The following ZFAND1 variants were observed in gnomAD, a reference collection of about 807,000 sequenced individuals.
ZFAND1 encodes the protein AN1-type zinc finger protein 1.
In ZFAND1, 40 loss-of-function variants were observed where a neutral mutation model predicts 38.5. That is an observed-to-expected ratio of 1.04 (90% CI 0.81 to 1.35). ZFAND1 has a LOEUF of 1.35. ZFAND1 is among the 40% of genes most tolerant of loss of function. ZFAND1 has a pLI of 0.00. For synonymous variants in ZFAND1, 117 were observed against 103.6 expected (o/e 1.13, Z -0.78); for missense variants, 346 against 316.3 (o/e 1.09, Z -0.71).
At chr8:81,719,963 G>C (rs1223421810) in intron 1 of ZFAND1, among the ~76,000 whole-genome samples, 2 of 151,682 alleles carry the variant, frequency 1.3e-5, no homozygotes. Context: ...AGTGGTGAAA[G>C]ATAGATAGAT....
At chr8:81,715,713 A>C (rs1808288418) in intron 3 of ZFAND1, among the ~76,000 whole-genome samples, 1 of 152,268 alleles carries the variant, frequency 6.6e-6, no homozygotes, top group East Asian at 1.9e-4. Flanking sequence ...CAGGTTTCTA[A>C]AGACGAGTAA....
Position 81,714,753 on chromosome 8 carries a change from C to G in ZFAND1, c.358+51G>C, listed in dbSNP as rs748555584. ...ATAATTGGAAAGTAGATATAAGAAG[C>G]AGGAGCTCTGGAACTAGGAAAGCAA... On this transcript the variant is annotated intron_variant, in intron 5 of 7. Transcript: ENST00000220669. 6 of 1,516,006 alleles carry G rather than the reference C, an allele frequency of 4.0e-6. No individual in the cohort carries two copies. The East Asian group carries it at 9.0e-5, about 23-fold the overall frequency. The allele number at this position is 1,516,006 out of a possible 1,614,324, so 93.9% of individuals were successfully genotyped here.
chr8:81,715,718 G>A (rs73694731), intron 3 of ZFAND1, among the ~76,000 whole-genome samples: 2,785 of 151,372 alleles, frequency 0.018, 79 homozygotes, highest in African/African-American at 0.062. Context: ...TTCTAAAGAC[G>A]AGTAAACGTA....
At chr8:81,711,006 G>T (rs1156722433) in intron 6 of ZFAND1, among the ~76,000 whole-genome samples, 1 of 152,170 alleles carries the variant, frequency 6.6e-6, no homozygotes, top group Admixed American at 6.5e-5. Context: ...GTACAATTGG[G>T]TAAAGAATAT....
intron 1 of ZFAND1, among the ~76,000 whole-genome samples, chr8:81,719,755 T>G (rs528293301): frequency 6.6e-6 from 1 of 152,120 alleles, no homozygotes; most frequent in Non-Finnish European, 1.5e-5. Flanking sequence ...CCCAAACAGA[T>G]AGGCCTGGCC....
intron 7 of ZFAND1, 46 bp from the exon 8 acceptor site, chr8:81,702,911 G>T: frequency 6.5e-7 from 1 of 1,536,068 alleles, no homozygotes; most frequent in Non-Finnish European, 8.7e-7. Flanking sequence ...AAACATGCTT[G>T]AATGGAGCAT....
chr8:81,721,204 G>A (rs978179595), intron 1 of ZFAND1, 23 bp downstream of exon 1: 3 of 1,546,644 alleles, frequency 1.9e-6, no homozygotes, highest in Middle Eastern at 4.4e-4. Flanking sequence ...GCCGGGGATG[G>A]GGGCTGGAAG....
intron 6 of ZFAND1, among the ~76,000 whole-genome samples, chr8:81,710,339 A>G (rs1472101507): frequency 6.6e-6 from 1 of 152,240 alleles, no homozygotes; most frequent in Non-Finnish European, 1.5e-5. Context: ...CTACCTTTGC[A>G]ATTTTAAAAA....
chr8:81,721,145 AC>A, intron 1 of ZFAND1, 81 bp downstream of exon 1: 1 of 1,518,200 alleles, frequency 6.6e-7, no homozygotes, highest in Non-Finnish European at 8.9e-7. Flanking sequence ...GCCTCCCTTC[AC>A]CCGCCGCCAC....
At chr8:81,709,868 A>T (rs1367905723) in intron 6 of ZFAND1, among the ~76,000 whole-genome samples, 2 of 152,220 alleles carry the variant, frequency 1.3e-5, no homozygotes, top group African/African-American at 4.8e-5. Context: ...TTTGGGTAAC[A>T]GTTAATAGTG....
At chr8:81,717,138 G>T in intron 3 of ZFAND1, 111 bp downstream of exon 3, 2 of 831,882 alleles carry the variant, frequency 2.4e-6, no homozygotes, top group Non-Finnish European at 3.7e-6. Flanking sequence ...AATCAGTTTA[G>T]TATGCCAAAC....
chr8:81,714,917 C>T (rs542728990), intron 4 of ZFAND1, 22 bp from the exon 5 acceptor site: 64 of 1,613,998 alleles, frequency 4.0e-5, no homozygotes, highest in East Asian at 2.9e-4. Context: ...AGAAGAGTGA[C>T]ACTAGTTCAT....
chr8:81,706,852 T>C (rs1427210133), intron 6 of ZFAND1, among the ~76,000 whole-genome samples: 1 of 152,068 alleles, frequency 6.6e-6, no homozygotes, highest in Non-Finnish European at 1.5e-5. Context: ...TACTTGGCAA[T>C]AGAAGTGGGG....
intron 5 of ZFAND1, chr8:81,714,429 A>G: frequency 3.9e-6 from 1 of 258,012 alleles, no homozygotes. Flanking sequence ...TCACAGATAC[A>G]TTCATTCCTG....
intron 6 of ZFAND1, among the ~76,000 whole-genome samples, chr8:81,711,745 A>G (rs781215674): frequency 8.2e-6 from 1 of 121,654 alleles, no homozygotes; most frequent in Non-Finnish European, 1.9e-5. Context: ...AAAATAATAA[A>G]CTGAAAAATC....
chr8:81,704,222 T>C (rs1267114091), intron 6 of ZFAND1, among the ~76,000 whole-genome samples: 2 of 152,132 alleles, frequency 1.3e-5, no homozygotes, highest in African/African-American at 2.4e-5. Flanking sequence ...CCTCTCCTTA[T>C]ATTGTATTTT....
intron 6 of ZFAND1, among the ~76,000 whole-genome samples, chr8:81,710,065 TTC>T (rs1166502615): frequency 6.6e-6 from 1 of 152,164 alleles, no homozygotes; most frequent in African/African-American, 2.4e-5. Flanking sequence ...CAAGAAAAAA[TTC>T]TCTGTTGTCG....
intron 6 of ZFAND1, among the ~76,000 whole-genome samples, chr8:81,709,598 T>C (rs930864977): frequency 3.3e-5 from 5 of 152,142 alleles, no homozygotes; most frequent in African/African-American, 7.2e-5. Context: ...CACATATACG[T>C]ATATACATGA....
At chr8:81,709,038 T>TG (rs1272291625) in intron 6 of ZFAND1, among the ~76,000 whole-genome samples, 1 of 152,214 alleles carries the variant, frequency 6.6e-6, no homozygotes, top group Non-Finnish European at 1.5e-5. Flanking sequence ...AACACACTCT[T>TG]GGGAATTTAT....
Sources: allele counts gnomAD v4.1 joint callset (sites outside exome capture counted in the v4.1 genomes callset), GRCh38; gene constraint gnomAD v4.1.1; transcripts MANE v1.5; gene names NCBI Gene and HGNC (gene_info 2026-07-23, HGNC 2026-07-21).